Variants in RIT2 observed in about 807,000 individuals in gnomAD.
RIT2 encodes Ras like without CAAX 2.
RIT2 carries 24 observed loss-of-function variants against 23.7 expected under a neutral mutation model. The ratio of observed to expected loss-of-function variants is 1.01; its 90% CI spans 0.73 to 1.43. RIT2 has a LOEUF of 1.43. RIT2 is among the 40% of genes most tolerant of loss of function. RIT2 has a pLI of 0.00. For synonymous variants in RIT2, 107 were observed against 91.1 expected (o/e 1.17, Z -0.99); for missense variants, 236 against 266.9 (o/e 0.88, Z 0.81).
At chr18:42,914,999 TA>T (rs905579811) in intron 4 of RIT2, among the ~76,000 whole-genome samples, 3 of 28,526 alleles carry the variant, frequency 1.1e-4, no homozygotes, top group African/African-American at 2.6e-4. Context: ...GTGGTTGAGT[TA>T]AAGTAAAAAA....
At chr18:43,057,211 C>T (rs984049117) in intron 1 of RIT2, among the ~76,000 whole-genome samples, 9 of 152,052 alleles carry the variant, frequency 5.9e-5, no homozygotes, top group African/African-American at 2.2e-4. Flanking sequence ...TGCATGCCTT[C>T]TCTTGTCCTA....
chr18:42,781,060 C>T (rs1913801095), intron 4 of RIT2, among the ~76,000 whole-genome samples: 1 of 152,020 alleles, frequency 6.6e-6, no homozygotes, highest in African/African-American at 2.4e-5. Flanking sequence ...TTACTGCTTA[C>T]TTGACTCAAA....
intron 3 of RIT2, among the ~76,000 whole-genome samples, chr18:42,951,678 C>CAT (rs1375583829): frequency 6.6e-6 from 1 of 151,994 alleles, no homozygotes; most frequent in African/African-American, 2.4e-5. Context: ...ATCAGTATCT[C>CAT]AAAGAGATAT....
At chr18:42,850,389 T>C (rs917680504) in intron 4 of RIT2, among the ~76,000 whole-genome samples, 1 of 152,192 alleles carries the variant, frequency 6.6e-6, no homozygotes, top group Non-Finnish European at 1.5e-5. Flanking sequence ...GCACGGTTAA[T>C]GGATTGTATT....
intron 4 of RIT2, among the ~76,000 whole-genome samples, chr18:42,821,832 C>T (rs933275746): frequency 1.2e-4 from 19 of 152,234 alleles, no homozygotes; most frequent in African/African-American, 4.3e-4. Context: ...AAAAGGAACA[C>T]AGTTCCTAAC....
intron 4 of RIT2, among the ~76,000 whole-genome samples, chr18:42,875,273 C>T (rs7229454): frequency 1.3e-5 from 2 of 151,468 alleles, no homozygotes; most frequent in African/African-American, 4.8e-5. Context: ...TTTGACTTTA[C>T]CCCTCGGGCA....
intron 1 of RIT2, among the ~76,000 whole-genome samples, chr18:43,096,621 T>A (rs1913560576): frequency 6.6e-6 from 1 of 152,026 alleles, no homozygotes; most frequent in Admixed American, 6.6e-5. Context: ...CAATAATATC[T>A]AAAATGGTTT....
intron 4 of RIT2, among the ~76,000 whole-genome samples, chr18:42,913,201 A>AG (rs1436801572): frequency 6.6e-6 from 1 of 151,634 alleles, no homozygotes; most frequent in Non-Finnish European, 1.5e-5. Flanking sequence ...ATCAGCCAAA[A>AG]AAAAAAAACA....
At chr18:42,806,789 A>T (rs1905696408) in intron 4 of RIT2, among the ~76,000 whole-genome samples, 1 of 152,248 alleles carries the variant, frequency 6.6e-6, no homozygotes, top group Non-Finnish European at 1.5e-5. Context: ...TGACTTTAGA[A>T]AATAAATGAT....
At chr18:42,749,149 G>A (rs1912986478) in intron 4 of RIT2, among the ~76,000 whole-genome samples, 1 of 151,754 alleles carries the variant, frequency 6.6e-6, no homozygotes, top group African/African-American at 2.4e-5. Flanking sequence ...CAAAATAAAT[G>A]AAATTGATCT....
At chr18:42,879,492 T>G (rs972290270) in intron 4 of RIT2, among the ~76,000 whole-genome samples, 3 of 152,154 alleles carry the variant, frequency 2.0e-5, no homozygotes, top group Admixed American at 6.6e-5. Context: ...AGAAGCTATT[T>G]TCATTTATGA....
chr18:43,022,969 T>C (rs1911631250), intron 2 of RIT2, among the ~76,000 whole-genome samples: 1 of 152,082 alleles, frequency 6.6e-6, no homozygotes, highest in Non-Finnish European at 1.5e-5. Context: ...AGTGAAATCA[T>C]AGTCTATTTT....
intron 2 of RIT2, among the ~76,000 whole-genome samples, chr18:43,020,734 C>T (rs1162119680): frequency 6.6e-6 from 1 of 151,986 alleles, no homozygotes; most frequent in Admixed American, 6.6e-5. Flanking sequence ...TGATTTTCAA[C>T]AAAGTTGCCA....
chr18:43,096,928 G>GA (rs1251403882), intron 1 of RIT2, among the ~76,000 whole-genome samples: 3 of 152,010 alleles, frequency 2.0e-5, no homozygotes, highest in Non-Finnish European at 4.4e-5. Flanking sequence ...TGGACTGAGA[G>GA]AAAAATGTAA....
intron 4 of RIT2, among the ~76,000 whole-genome samples, chr18:42,890,438 A>C (rs1205222381): frequency 7.0e-6 from 1 of 143,334 alleles, no homozygotes; most frequent in African/African-American, 2.5e-5. Flanking sequence ...AAGAAACTTA[A>C]TTTTTGAAAT....
At chr18:43,100,747 A>T (rs938359923) in intron 1 of RIT2, among the ~76,000 whole-genome samples, 2 of 152,128 alleles carry the variant, frequency 1.3e-5, no homozygotes, top group Admixed American at 1.3e-4. Context: ...TTGGACCTGC[A>T]CAATTGGAAA....
intron 3 of RIT2, among the ~76,000 whole-genome samples, chr18:42,938,710 A>T (rs1909521449): frequency 6.6e-6 from 1 of 152,172 alleles, no homozygotes; most frequent in Non-Finnish European, 1.5e-5. Context: ...GAGAATTATT[A>T]GTAATAAAAT....
intron 1 of RIT2, among the ~76,000 whole-genome samples, chr18:43,077,088 G>A: frequency 8.3e-6 from 1 of 120,060 alleles, no homozygotes; most frequent in African/African-American, 3.2e-5. Context: ...GGGCGACAGA[G>A]CGAGACTCCG....
intron 1 of RIT2, among the ~76,000 whole-genome samples, chr18:43,103,104 C>T (rs1913727238): frequency 6.6e-6 from 1 of 152,178 alleles, no homozygotes; most frequent in South Asian, 2.1e-4. Context: ...ATTGTTAATG[C>T]TGGCCTGAGT....
Sources: gnomAD v4.1 joint callset for allele counts (sites outside exome capture counted in the v4.1 genomes callset) on GRCh38, gnomAD v4.1.1 for gene constraint, MANE v1.5 for transcripts, NCBI Gene and HGNC (gene_info 2026-07-23, HGNC 2026-07-21) for gene names.